Variants in DUSP19 observed in about 807,000 individuals in gnomAD.
The protein encoded by DUSP19 is dual specificity phosphatase 19.
DUSP19 carries 14 observed loss-of-function variants against 16.6 expected under a neutral mutation model. The observed-to-expected ratio is 0.84, with a 90% CI of 0.56 to 1.32. The LOEUF (loss-of-function observed/expected upper bound fraction) is 1.32. Ranked by LOEUF, DUSP19 falls within the 40% of genes most tolerant of loss-of-function variation. DUSP19 has a pLI of 0.00. For synonymous variants in DUSP19, 81 were observed against 90.5 expected (o/e 0.90, Z 0.59); for missense variants, 258 against 255.9 (o/e 1.01, Z -0.06).
chr2:183,082,841 C>A (rs1385935888), intron 1 of DUSP19, among the ~76,000 whole-genome samples: 1 of 144,854 alleles, frequency 6.9e-6, no homozygotes, highest in Non-Finnish European at 1.5e-5. Context: ...TTCCTTCCTC[C>A]CTCCCTCCCT....
Position 183,099,008 on chromosome 2 carries a change from C to T in DUSP19, c.*3350C>T, listed in dbSNP as rs1386561101. 6.6e-6 allele frequency: 1 copy of T among 151,700 alleles called. No homozygotes were observed. The highest frequency in any genetic ancestry group is 2.4e-5 in the African/African-American group (1 of 41,326). The allele number at this position is 151,700 out of a possible 1,614,324, so 9.4% of individuals were successfully genotyped here. On this transcript the variant is annotated 3_prime_UTR_variant, in exon 4 of 4. Coordinates refer to ENST00000354221, the MANE Select transcript of DUSP19 (RefSeq NM_080876.4). ...CAATTTTACTTTTTCTTCCCTTCTT[C>T]CCTATTGAACCTTGATTAAAATGTA... is the stretch of plus-strand genomic sequence containing the variant.
At chr2:183,081,308 C>T (rs566262941) in intron 1 of DUSP19, among the ~76,000 whole-genome samples, 2 of 152,262 alleles carry the variant, frequency 1.3e-5, no homozygotes, top group Admixed American at 6.5e-5. Flanking sequence ...TGCAGTGGCA[C>T]GATCTTGGCT....
Position 183,083,503 on chromosome 2 carries a change from T to A in DUSP19, c.227-5T>A. On this transcript the variant is annotated splice_region_variant and splice_polypyrimidine_tract_variant and intron_variant, in intron 1 of 3. Coordinates refer to ENST00000354221, the MANE Select transcript of DUSP19 (RefSeq NM_080876.4). ...GTTCAAGGTGGTATCATTTATTTCT[T>A]CTAGGGTCACAAGATGCTGCTCATG... 1 of 1,609,418 alleles carries A rather than the reference T, an allele frequency of 6.2e-7. No individual in the cohort carries two copies. Among genetic ancestry groups the A allele is most frequent in the Non-Finnish European group, 8.5e-7 (1 of 1,177,882 alleles).
chr2:183,078,970 C>A lies in DUSP19; in HGVS notation c.37C>A (p.Arg13=). 6.2e-7 allele frequency: 1 copy of A among 1,614,062 alleles called. No homozygotes were observed. The highest frequency in any genetic ancestry group is 8.5e-7 in the Non-Finnish European group (1 of 1,180,016). The change falls in exon 1 of 4, where the codon CGG becomes AGG. Residue 13 remains arginine (R), a synonymous_variant. Coordinates refer to ENST00000354221, the MANE Select transcript of DUSP19 (RefSeq NM_080876.4). ...TAACCAGGAAATTAAAGCATTCTCC[C>A]GGAATAATCTCAGGAAGCAATGCAC... ...SLNQEIKAFS[R]NNLRKQCTRV... is the part of the protein sequence containing the mutation.
intron 1 of DUSP19, among the ~76,000 whole-genome samples, chr2:183,081,405 T>C (rs2105495701): frequency 6.6e-6 from 1 of 152,200 alleles, no homozygotes; most frequent in South Asian, 2.1e-4. Context: ...CCACCATGCC[T>C]GGCTAATTTT....
At chr2:183,081,151 C>T (rs1255857375) in intron 1 of DUSP19, among the ~76,000 whole-genome samples, 1 of 152,220 alleles carries the variant, frequency 6.6e-6, no homozygotes, top group African/African-American at 2.4e-5. Flanking sequence ...AAAAATATTA[C>T]ATAGGCCCTC....
intron 2 of DUSP19, among the ~76,000 whole-genome samples, chr2:183,084,482 C>T (rs545523003): frequency 6.6e-6 from 1 of 151,600 alleles, no homozygotes; most frequent in African/African-American, 2.4e-5. Flanking sequence ...GTGTGAAGGC[C>T]CAGAAGCAAG....
At chr2:183,086,217 A>C (rs1393476827) in intron 2 of DUSP19, among the ~76,000 whole-genome samples, 2 of 152,156 alleles carry the variant, frequency 1.3e-5, no homozygotes, top group African/African-American at 4.8e-5. Flanking sequence ...GGTGACTCTA[A>C]TGTGCAGTCA....
In DUSP19 at chr2:183,099,114, C is replaced by T. The variant is rs545951562; in HGVS notation, c.*3456C>T. On this transcript the variant is annotated 3_prime_UTR_variant, in exon 4 of 4. Transcript: ENST00000354221. ...TAGTGGGGAAACCTGAATTTGTCAG[C>T]ATGATTATTTGTAACTCAGATTGTT... is the stretch of plus-strand genomic sequence containing the variant. The T allele has an allele frequency of 1.1e-4, 16 of 152,098 alleles. No individual in the cohort carries two copies. The South Asian group carries it at 3.3e-3, about 32-fold the overall frequency. The allele number at this position is 152,098 out of a possible 1,614,324, so 9.4% of individuals were successfully genotyped here.
At position 183,087,156 on chromosome 2, in the gene DUSP19, A is replaced by G. The variant is rs753831300; in HGVS notation, c.390A>G (p.Pro130=). The G allele has an allele frequency of 3.7e-6, 6 of 1,613,300 alleles. No individual in the cohort carries two copies. Among genetic ancestry groups the G allele is most frequent in the Admixed American group, 3.3e-5 (2 of 59,962 alleles). Residue 130 remains proline (P), a synonymous_variant, in exon 3 of 4, where the codon CCA becomes CCG. Transcript: ENST00000354221. ...LPETNILSYF[P]ECFEFIEEAK... ...AAACCAACATCCTGTCTTATTTTCC[A>G]GAATGTTTTGAATTTATTGAAGAAG...
At chr2:183,080,621 A>G (rs1238128315) in intron 1 of DUSP19, among the ~76,000 whole-genome samples, 3 of 152,180 alleles carry the variant, frequency 2.0e-5, no homozygotes, top group African/African-American at 7.2e-5. Flanking sequence ...ATTTTCATAT[A>G]TCATTCACCA....
intron 2 of DUSP19, among the ~76,000 whole-genome samples, chr2:183,085,773 C>G (rs192987188): frequency 6.9e-6 from 1 of 145,608 alleles, no homozygotes; most frequent in Admixed American, 7.1e-5. Flanking sequence ...TGAGCCTTAT[C>G]GAAGATGCAC....
chr2:183,087,403 C>T (rs185514956), intron 3 of DUSP19, among the ~76,000 whole-genome samples: 22 of 152,316 alleles, frequency 1.4e-4, no homozygotes, highest in Admixed American at 1.4e-3. Context: ...GACTATAAAA[C>T]AGAGACTGCT....
intron 2 of DUSP19, among the ~76,000 whole-genome samples, chr2:183,086,218 T>A (rs1408319258): frequency 6.6e-6 from 1 of 152,158 alleles, no homozygotes; most frequent in East Asian, 1.9e-4. Flanking sequence ...GTGACTCTAA[T>A]GTGCAGTCAT....
In DUSP19 at chr2:183,099,145, G is replaced by A. The variant is rs1018225935; in HGVS notation, c.*3487G>A. 1 of 152,038 alleles carries A rather than the reference G, an allele frequency of 6.6e-6. No individual in the cohort carries two copies. The highest frequency in any genetic ancestry group is 2.4e-5 in the African/African-American group (1 of 41,378). The allele number at this position is 152,038 out of a possible 1,614,324, so 9.4% of individuals were successfully genotyped here. The stretch of plus-strand genomic sequence containing the variant: ...TATTTGTAACTCAGATTGTTCAAAT[G>A]TATATAGAAGGTCCCCTTCAAGTGT... On this transcript the variant is annotated 3_prime_UTR_variant, in exon 4 of 4. Coordinates refer to ENST00000354221, the MANE Select transcript of DUSP19 (RefSeq NM_080876.4).
At chr2:183,082,802 T>C in intron 1 of DUSP19, among the ~76,000 whole-genome samples, 2 of 151,448 alleles carry the variant, frequency 1.3e-5, no homozygotes, top group African/African-American at 2.4e-5. Context: ...CTCTTTCCCT[T>C]CCCTTTTGTT....
intron 1 of DUSP19, among the ~76,000 whole-genome samples, chr2:183,079,976 G>C (rs1264441751): frequency 6.6e-6 from 1 of 152,244 alleles, no homozygotes; most frequent in Non-Finnish European, 1.5e-5. Flanking sequence ...TGTTCACCTA[G>C]TGTCTTACTC....
intron 2 of DUSP19, among the ~76,000 whole-genome samples, chr2:183,084,331 G>C (rs1183749506): frequency 6.6e-6 from 1 of 152,038 alleles, no homozygotes; most frequent in Non-Finnish European, 1.5e-5. Flanking sequence ...GGAGGCCAAG[G>C]CAGGAGGATT....
chr2:183,091,924 T>A (rs1389546524), intron 3 of DUSP19, among the ~76,000 whole-genome samples: 2 of 152,204 alleles, frequency 1.3e-5, no homozygotes, highest in African/African-American at 4.8e-5. Context: ...AGTCTACCCA[T>A]CACTTTTTTG....
Sources: allele counts gnomAD v4.1 joint callset (sites outside exome capture counted in the v4.1 genomes callset), GRCh38; gene constraint gnomAD v4.1.1; transcripts MANE v1.5; gene names NCBI Gene and HGNC (gene_info 2026-07-23, HGNC 2026-07-21).